The following ATP6V1C2 variants were observed in gnomAD, a reference collection of about 807,000 sequenced individuals.
ATP6V1C2 encodes the protein ATPase H+ transporting V1 subunit C2.
In ATP6V1C2, 45 loss-of-function variants were observed where a neutral mutation model predicts 56.8. The ratio of observed to expected loss-of-function variants is 0.79; its 90% CI spans 0.62 to 1.02. The LOEUF (loss-of-function observed/expected upper bound fraction) is 1.02. Ranked by LOEUF, ATP6V1C2 falls within the 50% of genes least tolerant of loss-of-function variation. The pLI is 0.00. For missense variants in ATP6V1C2, 463 were observed against 519.7 expected, an observed-to-expected ratio of 0.89 and a Z score of 1.06; for synonymous variants, 220 against 201.3, an observed-to-expected ratio of 1.09 and a Z score of -0.79.
chr2:10,744,679 T>C (rs1662779180), intron 3 of ATP6V1C2, among the ~76,000 whole-genome samples: 3 of 148,778 alleles, frequency 2.0e-5, no homozygotes, highest in African/African-American at 4.9e-5. Flanking sequence ...CTTTTTTTTT[T>C]TTTTTTTTGA....
chr2:10,783,201 C>G lies in ATP6V1C2; in HGVS notation c.1222C>G (p.Leu408Val), dbSNP rs751214042. 1 of 1,613,694 alleles carries G rather than the reference C, an allele frequency of 6.2e-7. No homozygotes were observed. Among genetic ancestry groups the G allele is most frequent in the Non-Finnish European group, 8.5e-7 (1 of 1,179,674 alleles). ...DASVEIPGLQ[L>V]NNQDYFPYVY... ...ATCTGTGGAGATCCCGGGACTGCAA[C>G]TCAATAACCAAGACTATTTTCCTTA... The change falls in exon 14 of 14, where the codon CTC (leucine) becomes GTC (valine). Residue 408 changes from leucine to valine, a missense_variant. Leu to Val is a conservative substitution (Grantham distance 32, BLOSUM62 1). Transcript: ENST00000272238.
At chr2:10,778,238 A>G (rs1665123915) in intron 11 of ATP6V1C2, among the ~76,000 whole-genome samples, 1 of 152,106 alleles carries the variant, frequency 6.6e-6, no homozygotes, top group South Asian at 2.1e-4. Flanking sequence ...AGCCTCTGAG[A>G]AGGTGGGCTC....
intron 5 of ATP6V1C2, among the ~76,000 whole-genome samples, chr2:10,768,391 C>T (rs1466498119): frequency 3.3e-5 from 5 of 152,184 alleles, no homozygotes; most frequent in African/African-American, 7.2e-5. Flanking sequence ...CTGGAAGCAA[C>T]GATTGGGGGT....
chr2:10,773,183 C>A (rs1242292485), intron 8 of ATP6V1C2, among the ~76,000 whole-genome samples: 1 of 152,156 alleles, frequency 6.6e-6, no homozygotes, highest in African/African-American at 2.4e-5. Context: ...TGCAGAGGAG[C>A]AGAGGGTCTG....
chr2:10,768,864 A>G, intron 6 of ATP6V1C2, 54 bp downstream of exon 6: 1 of 1,480,414 alleles, frequency 6.8e-7, no homozygotes. Flanking sequence ...GCGGGGGCTT[A>G]GCGCTTGCCT....
intron 2 of ATP6V1C2, among the ~76,000 whole-genome samples, chr2:10,723,357 A>T (rs1204084574): frequency 1.3e-5 from 2 of 151,986 alleles, no homozygotes; most frequent in Non-Finnish European, 2.9e-5. Context: ...TATAGTTTAG[A>T]TGTGCAGGCT....
intron 8 of ATP6V1C2, 63 bp downstream of exon 8, chr2:10,772,673 C>G: frequency 7.0e-7 from 1 of 1,424,028 alleles, no homozygotes; most frequent in African/African-American, 1.4e-5. Context: ...CTTCAGGGCA[C>G]CCAACCACCA....
At chr2:10,749,645 T>TA (rs1663103756) in intron 3 of ATP6V1C2, among the ~76,000 whole-genome samples, 1 of 152,138 alleles carries the variant, frequency 6.6e-6, no homozygotes, top group African/African-American at 2.4e-5. Flanking sequence ...TCTTGCTTGT[T>TA]AAAACTGTAA....
chr2:10,778,518 T>C (rs1174882815), intron 11 of ATP6V1C2, 54 bp from the exon 12 acceptor site: 3 of 1,551,732 alleles, frequency 1.9e-6, no homozygotes, highest in African/African-American at 2.7e-5. Flanking sequence ...CTTTCTTGGC[T>C]CTGTGTCAGG....
chr2:10,773,049 G>C (rs1225085784), intron 8 of ATP6V1C2, among the ~76,000 whole-genome samples: 3 of 152,246 alleles, frequency 2.0e-5, no homozygotes, highest in African/African-American at 7.2e-5. Context: ...GCAGTAGCCA[G>C]TGGGTCCTGT....
chr2:10,721,910 G>A (rs978465189), intron 1 of ATP6V1C2, among the ~76,000 whole-genome samples, 179 bp downstream of exon 1: 5 of 152,236 alleles, frequency 3.3e-5, no homozygotes, highest in Non-Finnish European at 5.9e-5. Context: ...GGGCCAGTTC[G>A]TCCCCAGGCC....
intron 11 of ATP6V1C2, among the ~76,000 whole-genome samples, chr2:10,778,083 C>T (rs10929699): frequency 0.29 from 43,744 of 152,004 alleles, 6,643 homozygotes; most frequent in Middle Eastern, 0.4. Flanking sequence ...CAGTGTCAGG[C>T]GGGAGCTCGG....
intron 3 of ATP6V1C2, among the ~76,000 whole-genome samples, chr2:10,732,700 C>T (rs371387139): frequency 5.4e-4 from 82 of 151,638 alleles, no homozygotes; most frequent in South Asian, 2.1e-4. Context: ...AGGCCAGGCG[C>T]GGTGGCTCAC....
chr2:10,746,656 C>T lies in ATP6V1C2; in HGVS notation c.198-7325C>T, dbSNP rs544780394. On this transcript the variant is annotated intron_variant, in intron 3 of 13. Coordinates refer to ENST00000272238, the MANE Select transcript of ATP6V1C2 (RefSeq NM_001039362.2). ...TGATCTCTTGACCTCATGATCCACC[C>T]GCCTCGGCCTTCCAAAGTGCTGGGG... Among the ~76,000 whole-genome samples, 18 of 152,228 alleles carry T rather than the reference C, an allele frequency of 1.2e-4. No homozygotes were observed. In the South Asian group the frequency reaches 2.7e-3, roughly 23 times the overall value.
intron 3 of ATP6V1C2, among the ~76,000 whole-genome samples, chr2:10,729,528 CATATAA>C (rs1278891862): frequency 2.0e-5 from 3 of 152,288 alleles, no homozygotes; most frequent in African/African-American, 4.8e-5. Flanking sequence ...ATTTTCTCAA[CATATAA>C]ATATAATTTC....
chr2:10,750,396 A>G (rs1207907170), intron 3 of ATP6V1C2, among the ~76,000 whole-genome samples: 1 of 152,092 alleles, frequency 6.6e-6, no homozygotes, highest in Admixed American at 6.6e-5. Context: ...GGGTGCCTGT[A>G]GTCCAGCTAC....
At chr2:10,722,758 G>A in intron 1 of ATP6V1C2, 66 bp from the exon 2 acceptor site, 2 of 1,516,156 alleles carry the variant, frequency 1.3e-6, no homozygotes, top group Middle Eastern at 1.9e-4. Context: ...GAGTGGTGAG[G>A]CGGGGATATC....
At chr2:10,754,267 T>A (rs1663391599) in intron 4 of ATP6V1C2, among the ~76,000 whole-genome samples, 1 of 152,058 alleles carries the variant, frequency 6.6e-6, no homozygotes, top group African/African-American at 2.4e-5. Flanking sequence ...CTCCCTCTGT[T>A]GCCCACGCTG....
chr2:10,742,747 C>T (rs932632589), intron 3 of ATP6V1C2, among the ~76,000 whole-genome samples: 3 of 152,150 alleles, frequency 2.0e-5, no homozygotes, highest in Non-Finnish European at 2.9e-5. Flanking sequence ...GCCTTGGGGT[C>T]CAGGGTTTAG....
Sources: allele counts gnomAD v4.1 joint callset (sites outside exome capture counted in the v4.1 genomes callset), GRCh38; gene constraint gnomAD v4.1.1; transcripts MANE v1.5; gene names NCBI Gene and HGNC (gene_info 2026-07-23, HGNC 2026-07-21).